Variants in RNPEPL1 observed in about 807,000 individuals in gnomAD.
RNPEPL1 encodes arginyl aminopeptidase like 1, also known as aminopeptidase RNPEPL1.
In RNPEPL1, 46 loss-of-function variants were observed where a neutral mutation model predicts 69.0. The ratio of observed to expected loss-of-function variants is 0.67; its 90% CI spans 0.53 to 0.85. RNPEPL1 has a LOEUF of 0.85. Among genes scored for constraint, RNPEPL1 ranks in the 40% least tolerant of loss-of-function variants. The pLI is 0.00. For missense variants in RNPEPL1, 869 were observed against 992.5 expected, an observed-to-expected ratio of 0.88 and a Z score of 1.67; for synonymous variants, 525 against 454.1, an observed-to-expected ratio of 1.16 and a Z score of -1.98.
intron 6 of RNPEPL1, 116 bp downstream of exon 6, chr2:240,574,744 C>T: frequency 1.1e-6 from 1 of 939,096 alleles, no homozygotes; most frequent in Non-Finnish European, 1.6e-6. Context: ...TGCCTGGACC[C>T]CTGCCAAGGC....
chr2:240,569,492 A>C (rs1191654379), intron 1 of RNPEPL1, among the ~76,000 whole-genome samples: 5 of 152,218 alleles, frequency 3.3e-5, no homozygotes, highest in African/African-American at 1.2e-4. Context: ...TCCAAGCCAG[A>C]GGCAGAGGAA....
rs1224820050 is a variant in RNPEPL1, at chr2:240,568,486, C to T, written c.-101C>T. 2 of 494,744 alleles carry T rather than the reference C, an allele frequency of 4.0e-6. No homozygotes were observed. The highest frequency in any genetic ancestry group is 5.2e-6 in the Non-Finnish European group (2 of 384,686). The allele number at this position is 494,744 out of a possible 1,614,324, so 30.6% of individuals were successfully genotyped here. ...CCGGGCCGGGCGGCTCCCGGCGCGA[C>T]TTCCTGTTGTGCCCGCGCCCCGCCG... On this transcript the variant is annotated 5_prime_UTR_variant, in exon 1 of 11. Coordinates refer to ENST00000270357, the MANE Select transcript of RNPEPL1 (RefSeq NM_018226.6). This position sits in a 1 kb window ranked among gnomAD's most constrained non-coding sequence, Gnocchi z 6.2.
chr2:240,577,667 G>A lies in RNPEPL1; in HGVS notation c.1953G>A (p.Leu651=). Reference sequence around the variant, plus strand: ...CCGGTGCCCTCAAGTCCTTCGCGCTGGAGGTCTTCTACCAGACGCAGGGCC... The same window carrying A: ...CCGGTGCCCTCAAGTCCTTCGCGCTAGAGGTCTTCTACCAGACGCAGGGCC... ...LCTGALKSFA[L]EVFYQTQGRL... The change falls in exon 11 of 11, where the codon CTG becomes CTA. Residue 651 remains leucine (L), a synonymous_variant. Transcript: ENST00000270357. 1 of 1,612,708 alleles carries A rather than the reference G, an allele frequency of 6.2e-7. No individual in the cohort carries two copies. Among genetic ancestry groups the A allele is most frequent in the South Asian group, 1.1e-5 (1 of 91,060 alleles).
At chr2:240,570,356 C>T (rs573980589) in intron 1 of RNPEPL1, among the ~76,000 whole-genome samples, 1 of 152,320 alleles carries the variant, frequency 6.6e-6, no homozygotes, top group Non-Finnish European at 1.5e-5. Context: ...CATAGTCCCC[C>T]AAGTCTGCGT....
Position 240,577,756 on chromosome 2 carries a change from C to T in RNPEPL1, c.2042C>T (p.Thr681Ile), listed in dbSNP as rs1352541717. The T allele has an allele frequency of 1.2e-6, 2 of 1,612,296 alleles. No individual in the cohort carries two copies. The highest frequency in any genetic ancestry group is 1.1e-5 in the South Asian group (1 of 90,980). The change falls in exon 11 of 11, where the codon ACA becomes ATA. Residue 681 changes from threonine (T) to isoleucine (I), a missense_variant. Thr to Ile is a moderately conservative substitution (Grantham distance 89). This residue lies in a region of RNPEPL1 where 610 missense variants were observed against 790.9 expected (regional missense o/e 0.77). Transcript: ENST00000270357. ...CTGTCCCAGGGCCTGGGCTCCAGCA[C>T]AGAGCCCGCCTCAGAGCCCAGCACG... ...QILSQGLGSS[T>I]EPASEPSTEL...
Position 240,578,160 on chromosome 2 carries a change from C to T in RNPEPL1, c.*268C>T, listed in dbSNP as rs1559418544. On this transcript the variant is annotated 3_prime_UTR_variant, in exon 11 of 11. Coordinates refer to ENST00000270357, the MANE Select transcript of RNPEPL1 (RefSeq NM_018226.6). The stretch of plus-strand genomic sequence containing the variant: ...ACACACCATGCCTCCTGTCTCAACA[C>T]TGACAGCTGTGCCTAGCCCCGGATG... 13 of 363,910 alleles carry T rather than the reference C, an allele frequency of 3.6e-5. No individual in the cohort carries two copies. In the East Asian group the frequency reaches 5.3e-4, roughly 15 times the overall value. 22.5% of individuals were successfully genotyped at this position (363,910 alleles called of 1,614,324 possible).
chr2:240,573,381 C>T (rs1230770760), intron 3 of RNPEPL1, 120 bp downstream of exon 3: 2 of 1,232,982 alleles, frequency 1.6e-6, no homozygotes, highest in African/African-American at 1.5e-5. Context: ...TCTGGGTGCT[C>T]TGGGCCAGCC....
intron 1 of RNPEPL1, among the ~76,000 whole-genome samples, chr2:240,571,936 C>T (rs1282883639): frequency 2.0e-5 from 3 of 152,096 alleles, no homozygotes; most frequent in Non-Finnish European, 4.4e-5. Context: ...GCTCTGGGCC[C>T]GGGCGTGCTG....
chr2:240,569,009 G>A lies in RNPEPL1; in HGVS notation c.423G>A (p.Pro141=), dbSNP rs1284920985. The A allele has an allele frequency of 8.6e-6, 13 of 1,507,504 alleles. No individual in the cohort carries two copies. In the East Asian group the frequency reaches 2.7e-4, roughly 32 times the overall value. 93.4% of individuals were successfully genotyped at this position (1,507,504 alleles called of 1,614,324 possible). A position where few individuals can be genotyped will look rare whatever the true frequency, so the allele number is the denominator to read the frequency against. ...ACCPLAFRVD[P]FTDYGSSLTV... is the part of the protein sequence containing the mutation. The stretch of plus-strand genomic sequence containing the variant: ...GTCCGCTGGCCTTCAGGGTGGACCC[G>A]TTCACCGACTACGGCTCCTCGCTCA... Residue 141 remains proline, a synonymous_variant, in exon 1 of 11, where the codon CCG becomes CCA. Coordinates refer to ENST00000270357, the MANE Select transcript of RNPEPL1 (RefSeq NM_018226.6).
chr2:240,573,783 T>C lies in RNPEPL1; in HGVS notation c.830T>C (p.Val277Ala), dbSNP rs758343323. ...KPADIGPRSR[V>A]WAEPCLLPTA... ...CTCTCTGCATGCACCAGGAGCCGCG[T>C]GTGGGCCGAGCCATGCCTCCTGCCC... is the stretch of plus-strand genomic sequence containing the variant. The change falls in exon 4 of 11, where the codon GTG becomes GCG. Residue 277 changes from valine to alanine, a missense_variant. Physicochemically the swap from Val to Ala is moderately conservative, Grantham distance 64. Around this residue, in one of 2 missense-constraint regions of RNPEPL1, gnomAD observed 610 missense variants for 790.9 expected, o/e 0.77. Transcript: ENST00000270357. 1 of 1,542,242 alleles carries C rather than the reference T, an allele frequency of 6.5e-7. No individual in the cohort carries two copies. Among genetic ancestry groups the C allele is most frequent in the Non-Finnish European group, 8.8e-7 (1 of 1,142,614 alleles).
chr2:240,578,834 G>A lies in RNPEPL1; in HGVS notation c.*942G>A, dbSNP rs543697162. Reference sequence around the variant, plus strand: ...TGGGGCCTGGAGCTGGTCAGGAGCTGGGTGTGGCCCCCTCCTCTGATACAT... The same window carrying A: ...TGGGGCCTGGAGCTGGTCAGGAGCTAGGTGTGGCCCCCTCCTCTGATACAT... On this transcript the variant is annotated 3_prime_UTR_variant, in exon 11 of 11. Transcript: ENST00000270357. 7.2e-5 allele frequency: 11 copies of A among 152,872 alleles called. No homozygotes were observed. The highest frequency in any genetic ancestry group is 2.4e-4 in the African/African-American group (10 of 41,590). The allele number at this position is 152,872 out of a possible 1,614,324, so 9.5% of individuals were successfully genotyped here. A position where few individuals can be genotyped will look rare whatever the true frequency, so the allele number is the denominator to read the frequency against.
chr2:240,571,093 GC>G (rs944175805), intron 1 of RNPEPL1, among the ~76,000 whole-genome samples: 12 of 151,862 alleles, frequency 7.9e-5, no homozygotes, highest in South Asian at 6.2e-4. Context: ...CCAGGTCCCA[GC>G]CCCCCCCAAG....
Position 240,568,513 on chromosome 2 carries a change from C to G in RNPEPL1, c.-74C>G, listed in dbSNP as rs892051723. On this transcript the variant is annotated 5_prime_UTR_variant, in exon 1 of 11. Transcript: ENST00000270357. This position sits in a 1 kb window ranked among gnomAD's most constrained non-coding sequence, Gnocchi z 6.2. Reference sequence around the variant, plus strand: ...TCCTGTTGTGCCCGCGCCCCGCCGCCGCCGCCGCCCGGCGCCCCTCGCCCG... The same window carrying G: ...TCCTGTTGTGCCCGCGCCCCGCCGCGGCCGCCGCCCGGCGCCCCTCGCCCG... The G allele has an allele frequency of 2.6e-6, 2 of 781,060 alleles. No homozygotes were observed. Among genetic ancestry groups the G allele is most frequent in the Non-Finnish European group, 3.1e-6 (2 of 646,126 alleles). The allele number at this position is 781,060 out of a possible 1,614,324, so 48.4% of individuals were successfully genotyped here.
intron 3 of RNPEPL1, 74 bp downstream of exon 3, chr2:240,573,335 T>C (rs2093027912): frequency 6.9e-7 from 1 of 1,457,130 alleles, no homozygotes; most frequent in Non-Finnish European, 9.1e-7. Flanking sequence ...CTGTGGCCTG[T>C]GTCCACGGCT....
intron 7 of RNPEPL1, 157 bp downstream of exon 7, chr2:240,575,299 TG>T (rs1366732910): frequency 1.4e-6 from 1 of 738,086 alleles, no homozygotes; most frequent in Non-Finnish European, 2.3e-6. Context: ...GGGGAGTGCC[TG>T]GGTTGCCACC....
intron 4 of RNPEPL1, 30 bp from the exon 5 acceptor site, chr2:240,574,083 T>G: frequency 6.3e-7 from 1 of 1,591,234 alleles, no homozygotes; most frequent in Non-Finnish European, 8.6e-7. Flanking sequence ...AGCCCCGAGG[T>G]CTGCCACCCT....
chr2:240,568,650 C>T lies in RNPEPL1; in HGVS notation c.64C>T (p.Pro22Ser). 2.0e-6 allele frequency: 2 copies of T among 1,009,942 alleles called. No homozygotes were observed. Among genetic ancestry groups the T allele is most frequent in the East Asian group, 1.0e-4 (1 of 9,722 alleles). The allele number at this position is 1,009,942 out of a possible 1,614,324, so 62.6% of individuals were successfully genotyped here. The change falls in exon 1 of 11, where the codon CCC becomes TCC. Residue 22 changes from proline to serine, a missense_variant. By Grantham distance (74) the Pro-to-Ser change is moderately conservative. This residue lies in a region of RNPEPL1 where 259 missense variants were observed against 201.5 expected (regional missense o/e 1.29). Transcript: ENST00000270357. This position sits in a 1 kb window ranked among gnomAD's most constrained non-coding sequence, Gnocchi z 6.2. Reference sequence around the variant, plus strand: ...CGAGGCCGCGCCCGTCCGCCCGCCGCCCGAGCCGCCGCCCGCCCTGGACGT... The same window carrying T: ...CGAGGCCGCGCCCGTCCGCCCGCCGTCCGAGCCGCCGCCCGCCCTGGACGT... ...GAEAAPVRPP[P>S]EPPPALDVAS...
Position 240,575,532 on chromosome 2 carries a change from G to A in RNPEPL1, c.1432G>A (p.Val478Met), listed in dbSNP as rs1454498603. ...TGTGGAGAAGTACAAGTTCACCAGC[G>A]TGGTGGCCCAGGACCTGCTGGACTC... is the stretch of plus-strand genomic sequence containing the variant. ...AYVEKYKFTS[V>M]VAQDLLDSFL... Residue 478 changes from valine to methionine, a missense_variant, in exon 8 of 11, where the codon GTG (valine) becomes ATG (methionine). Coordinates refer to ENST00000270357, the MANE Select transcript of RNPEPL1 (RefSeq NM_018226.6). 8 of 1,613,586 alleles carry A rather than the reference G, an allele frequency of 5.0e-6. No homozygotes were observed. Among genetic ancestry groups the A allele is most frequent in the South Asian group, 2.2e-5 (2 of 91,090 alleles).
At position 240,575,070 on chromosome 2, in the gene RNPEPL1, G is replaced by T. The variant is rs1464174442; in HGVS notation, c.1329G>T (p.Glu443Asp). ...PSHLMNLFTY[E>D]KGYCFVYYLS... ...ACCTGATGAACCTGTTCACCTACGA[G>T]AAGGGCTACTGCTTCGTGTACTACC... Residue 443 changes from glutamate to aspartate, a missense_variant, in exon 7 of 11, where the codon GAG becomes GAT. This residue lies in a region of RNPEPL1 where 610 missense variants were observed against 790.9 expected (regional missense o/e 0.77). Coordinates refer to ENST00000270357, the MANE Select transcript of RNPEPL1 (RefSeq NM_018226.6). The T allele has an allele frequency of 6.2e-7, 1 of 1,613,852 alleles. No homozygotes were observed. The highest frequency in any genetic ancestry group is 8.5e-7 in the Non-Finnish European group (1 of 1,180,020).
Sources: gnomAD v4.1 joint callset for allele counts (sites outside exome capture counted in the v4.1 genomes callset) on GRCh38, gnomAD v4.1.1 for gene constraint, gnomAD v4.1.1 regional missense constraint, Gnocchi (gnomAD v3.1) non-coding constraint, MANE v1.5 for transcripts, NCBI Gene and HGNC (gene_info 2026-07-23, HGNC 2026-07-21) for gene names.